GP6: variants seen among roughly 807,000 people sequenced by gnomAD.
GP6 encodes glycoprotein VI platelet.
A neutral mutation model predicts 37.3 loss-of-function variants in GP6; 45 were observed. The ratio of observed to expected loss-of-function variants is 1.21; its 90% confidence interval spans 0.95 to 1.55. GP6 has a LOEUF of 1.55. Ranked by LOEUF, GP6 falls within the 40% of genes most tolerant of loss-of-function variation. The pLI, the probability that GP6 is intolerant of heterozygous loss-of-function variation, is 0.00. For missense variants in GP6, 813 were observed against 760.2 expected (o/e 1.07, Z -0.82); for synonymous variants, 340 against 316.4 (o/e 1.07, Z -0.79).
chr19:55,036,926 A>C (rs36093624), intron 1 of GP6, among the ~76,000 whole-genome samples: 3,133 of 152,186 alleles, frequency 0.021, 70 homozygotes, highest in Non-Finnish European at 0.032. Flanking sequence ...CAGGAGAATC[A>C]CTTGGACCCG....
Position 55,017,306 on chromosome 19 carries a change from G to A in GP6, c.724+1346C>T, listed in dbSNP as rs141107215. Among the ~76,000 whole-genome samples the A allele has an allele frequency of 5.3e-3, 813 of 152,010 alleles. 10 individuals carry two copies. Among genetic ancestry groups the A allele is most frequent in the African/African-American group, 0.018 (749 of 41,460 alleles). ...TAATTTTTGTATTTTCAGTAGAGACGGGGTTTCAGCATGTTGGCCAGGCTG... is the reference window on the plus strand; with the variant it reads ...TAATTTTTGTATTTTCAGTAGAGACAGGGTTTCAGCATGTTGGCCAGGCTG... On this transcript the variant is annotated intron_variant, in intron 6 of 7. Coordinates refer to ENST00000310373, the MANE Select transcript of GP6 (RefSeq NM_001083899.2).
At position 55,018,735 on chromosome 19, in the gene GP6, G is replaced by A. The variant is rs769102362; in HGVS notation, c.665-24C>T. ...TTCTAAGAAAGCAAAACAATGTTAG[G>A]TCTTCCCCGTGGTTCCCTATATCCT... On this transcript the variant is annotated intron_variant, in intron 5 of 7. Transcript: ENST00000310373. 21 of 1,553,076 alleles carry A rather than the reference G, an allele frequency of 1.4e-5. No individual in the cohort carries two copies. The South Asian group carries it at 1.7e-4, about 12-fold the overall frequency.
At chr19:55,032,724 G>A in intron 1 of GP6, 186 bp from the exon 2 acceptor site, 1 of 700,424 alleles carries the variant, frequency 1.4e-6, no homozygotes, top group South Asian at 1.6e-5. Context: ...AGTTTATGAG[G>A]TCATTTACAT....
intron 4 of GP6, among the ~76,000 whole-genome samples, chr19:55,025,629 C>T (rs566209128): frequency 5.7e-4 from 86 of 152,014 alleles, no homozygotes; most frequent in African/African-American, 2.0e-3. Context: ...TCACTTGAAC[C>T]TAGGAGGCAG....
chr19:55,014,773 A>C lies in GP6; in HGVS notation c.1172T>G (p.Ile391Ser). The change falls in exon 8 of 8, where the codon ATC becomes AGC. Residue 391 changes from isoleucine (I) to serine (S), a missense_variant. Coordinates refer to ENST00000310373, the MANE Select transcript of GP6 (RefSeq NM_001083899.2). ...CAGACACTGGCCGAACGGCTCCCTGATGGAACACCAGGAGGAGGCAGCATG... is the reference window on the plus strand; with the variant it reads ...CAGACACTGGCCGAACGGCTCCCTGCTGGAACACCAGGAGGAGGCAGCATG... The C allele has an allele frequency of 6.2e-7, 1 of 1,613,792 alleles. No homozygotes were observed. Among genetic ancestry groups the C allele is most frequent in the Non-Finnish European group, 8.5e-7 (1 of 1,179,844 alleles).
intron 5 of GP6, among the ~76,000 whole-genome samples, chr19:55,019,007 G>A (rs144184340): frequency 2.0e-5 from 3 of 151,988 alleles, no homozygotes; most frequent in African/African-American, 7.2e-5. Flanking sequence ...TAAGTTTTCT[G>A]TTCTCTTGGG....
At position 55,018,664 on chromosome 19, in the gene GP6, C is replaced by CT. The variant is rs778336022; in HGVS notation, c.711dup (p.Val238SerfsTer5). 8.1e-6 allele frequency: 13 copies of CT among 1,599,662 alleles called. No individual in the cohort carries two copies. In the Admixed American group the frequency reaches 2.2e-4, roughly 27 times the overall value. The stretch of plus-strand genomic sequence containing the variant: ...CCTGGTTACTCACCAGTTGTGAAGA[C>CT]TTCGTTTGTGAATGAGACGGTCAGT... On this transcript the variant is annotated frameshift_variant, in exon 6 of 8. Coordinates refer to ENST00000310373, the MANE Select transcript of GP6 (RefSeq NM_001083899.2). LOFTEE classifies it high-confidence loss of function.
At position 55,014,040 on chromosome 19, in the gene GP6, G is replaced by C; in HGVS notation, c.*42C>G. 1.7e-6 allele frequency: 1 copy of C among 575,962 alleles called. No individual in the cohort carries two copies. Among genetic ancestry groups the C allele is most frequent in the Admixed American group, 2.2e-5 (1 of 46,096 alleles). 35.7% of individuals were successfully genotyped at this position (575,962 alleles called of 1,614,324 possible). The stretch of plus-strand genomic sequence containing the variant: ...ATACAGAATTGTACATATTTATGGG[G>C]TGGACAGCAATATTGCAGTACATGT... On this transcript the variant is annotated 3_prime_UTR_variant, in exon 8 of 8. Transcript: ENST00000310373.
chr19:55,035,574 G>A (rs994121381), intron 1 of GP6, among the ~76,000 whole-genome samples: 14 of 151,974 alleles, frequency 9.2e-5, no homozygotes, highest in African/African-American at 3.4e-4. Context: ...AAAATTAGCG[G>A]GGCGTAGTGG....
In GP6 at chr19:55,030,933, C is replaced by T. The variant is rs1671201; in HGVS notation, c.325+1206G>A. 5.4e-3 allele frequency among the ~76,000 whole-genome samples: 828 copies of T among 152,274 alleles called. 8 individuals are homozygous for T. The highest frequency in any genetic ancestry group is 0.017 in the African/African-American group (688 of 41,570). On this transcript the variant is annotated intron_variant, in intron 3 of 7. Transcript: ENST00000310373. ...GCGTGATCACAGCTCCCTGCAGCCT[C>T]GGCCTCCCTGGCTCAAGCGATCCTC...
chr19:55,018,510 C>A, intron 6 of GP6, 142 bp downstream of exon 6: 1 of 761,942 alleles, frequency 1.3e-6, no homozygotes. Flanking sequence ...TGCACCCATG[C>A]TCTAGCCTCA....
At chr19:55,022,112 G>A (rs969971526) in intron 5 of GP6, among the ~76,000 whole-genome samples, 1 of 151,926 alleles carries the variant, frequency 6.6e-6, no homozygotes, top group Admixed American at 6.6e-5. Context: ...TGTTCACTCT[G>A]ATGATACTTT....
rs1298069530 is a variant in GP6 at position 55,013,974 on chromosome 19, G to A, written c.*108C>T. 1 of 444,006 alleles carries A rather than the reference G, an allele frequency of 2.3e-6. No homozygotes were observed. Among genetic ancestry groups the A allele is most frequent in the East Asian group, 6.7e-5 (1 of 15,024 alleles). The allele number at this position is 444,006 out of a possible 1,614,324, so 27.5% of individuals were successfully genotyped here. ...TTCAGAAAGTAAATATGAGAGGGGT[G>A]GAGACGGTGCATTATCTTATTTTTA... On this transcript the variant is annotated 3_prime_UTR_variant, in exon 8 of 8. Transcript: ENST00000310373.
At chr19:55,019,958 G>A (rs1237747220) in intron 5 of GP6, among the ~76,000 whole-genome samples, 2 of 152,116 alleles carry the variant, frequency 1.3e-5, no homozygotes, top group Non-Finnish European at 2.9e-5. Flanking sequence ...GAATACAGGC[G>A]TGAGCCACCG....
chr19:55,016,714 AG>A (rs2146710313), intron 6 of GP6, among the ~76,000 whole-genome samples: 1 of 151,826 alleles, frequency 6.6e-6, no homozygotes, highest in Non-Finnish European at 1.5e-5. Flanking sequence ...GAGACTCGCC[AG>A]GTACTCAGCC....
At chr19:55,024,958 T>C (rs2074248754) in intron 5 of GP6, among the ~76,000 whole-genome samples, 1 of 152,160 alleles carries the variant, frequency 6.6e-6, no homozygotes. Context: ...CTCCACAGTA[T>C]AGCAAGCCAC....
Position 55,013,780 on chromosome 19 carries a change from T to C in GP6, c.*302A>G. The C allele has an allele frequency of 3.5e-6, 1 of 282,524 alleles. No individual in the cohort carries two copies. Among genetic ancestry groups the C allele is most frequent in the Non-Finnish European group, 7.0e-6 (1 of 143,554 alleles). 17.5% of individuals were successfully genotyped at this position (282,524 alleles called of 1,614,324 possible). Reference sequence around the variant, plus strand: ...TATGTTGCCCAGGCTGGTCTTGAACTCCTGGGCTCAAGCGATCCTCCTGCC... The same window carrying C: ...TATGTTGCCCAGGCTGGTCTTGAACCCCTGGGCTCAAGCGATCCTCCTGCC... On this transcript the variant is annotated 3_prime_UTR_variant, in exon 8 of 8. Coordinates refer to ENST00000310373, the MANE Select transcript of GP6 (RefSeq NM_001083899.2).
chr19:55,023,860 C>T (rs918817156), intron 5 of GP6, among the ~76,000 whole-genome samples: 1 of 152,130 alleles, frequency 6.6e-6, no homozygotes, highest in Non-Finnish European at 1.5e-5. Flanking sequence ...TGGATGATCC[C>T]ATTTACATCA....
chr19:55,032,696 G>T, intron 1 of GP6, 158 bp from the exon 2 acceptor site: 1 of 828,694 alleles, frequency 1.2e-6, no homozygotes, highest in Non-Finnish European at 2.0e-6. Flanking sequence ...GAGAGAAACC[G>T]GTCAGAAAAA....
Sources: gnomAD v4.1 joint callset for allele counts (sites outside exome capture counted in the v4.1 genomes callset) on GRCh38, gnomAD v4.1.1 for gene constraint, MANE v1.5 for transcripts, NCBI Gene and HGNC (gene_info 2026-07-23, HGNC 2026-07-21) for gene names.